The following EPB41L4A variants were observed in gnomAD, a reference collection of about 807,000 sequenced individuals.
The protein encoded by EPB41L4A is band 4.1-like protein 4A.
EPB41L4A carries 100 observed loss-of-function variants against 108.6 expected under a neutral mutation model. The observed-to-expected ratio is 0.92, with a 90% CI of 0.78 to 1.09. EPB41L4A has a LOEUF of 1.09. Among genes scored for constraint, EPB41L4A ranks in the 50% least tolerant of loss-of-function variants. The pLI, the probability that EPB41L4A is intolerant of heterozygous loss-of-function variation, is 0.00. For synonymous variants in EPB41L4A, 319 were observed against 289.0 expected, an observed-to-expected ratio of 1.10 and a Z score of -1.05; for missense variants, 1,030 against 842.7, an observed-to-expected ratio of 1.22 and a Z score of -2.75.
chr5:112,145,107 T>G lies in EPB41L4A; in HGVS notation n.1112+774A>C, dbSNP rs557891191. On this transcript the variant is annotated intron_variant and non_coding_transcript_variant, in intron 13 of 13. Transcript: ENST00000507810. ...GAGTTTGAGACCAGCCTGGCCAACA[T>G]GGCGAAACCCTGTCCCTACTAAAAA... 2.0e-5 allele frequency among the ~76,000 whole-genome samples: 3 copies of G among 152,340 alleles called. No individual in the cohort carries two copies. The South Asian group carries it at 6.2e-4, about 32-fold the overall frequency.
At chr5:112,312,049 C>G (rs991845272) in intron 1 of EPB41L4A, among the ~76,000 whole-genome samples, 1 of 152,170 alleles carries the variant, frequency 6.6e-6, no homozygotes, top group African/African-American at 2.4e-5. Flanking sequence ...TAAATCAAAT[C>G]TGTCTTTATG....
At chr5:112,175,187 G>A (rs967935208) in intron 18 of EPB41L4A, 1 of 152,206 alleles carries the variant, frequency 6.6e-6, no homozygotes, top group African/African-American at 2.4e-5. Context: ...ACCAGAGGGA[G>A]CCCGAACCTT....
At chr5:112,143,910 T>A in intron 13 of EPB41L4A, 1 of 453,434 alleles carries the variant, frequency 2.2e-6, no homozygotes, top group Non-Finnish European at 4.4e-6. Context: ...GGGGGAAATG[T>A]GCTCAGTTGC....
chr5:112,307,345 T>C, intron 2 of EPB41L4A, 41 bp downstream of exon 2: 2 of 1,383,956 alleles, frequency 1.4e-6, no homozygotes, highest in Non-Finnish European at 2.1e-6. Context: ...TAGAGTGAAA[T>C]TTATAACCAG....
At chr5:112,307,234 T>C in intron 2 of EPB41L4A, 152 bp downstream of exon 2, 1 of 578,244 alleles carries the variant, frequency 1.7e-6, no homozygotes, top group Non-Finnish European at 3.0e-6. Context: ...GAGGAAAAAA[T>C]GCAAAGAAAT....
chr5:112,270,335 C>A (rs1561528369), intron 4 of EPB41L4A, among the ~76,000 whole-genome samples: 2 of 152,144 alleles, frequency 1.3e-5, no homozygotes, highest in Non-Finnish European at 2.9e-5. Flanking sequence ...TACCAACCTA[C>A]ACAGAGGTAA....
In EPB41L4A at chr5:112,262,499, C is replaced by T. The variant is rs766314158; in HGVS notation, c.637G>A (p.Val213Ile). The T allele has an allele frequency of 1.8e-5, 29 of 1,612,646 alleles. No individual in the cohort carries two copies. Among genetic ancestry groups the T allele is most frequent in the East Asian group, 2.2e-5 (1 of 44,874 alleles). ...GTTAATTAAATGTTACTCACATAGACGGGATGGAGGTCAACGCCATACATC... is the reference window on the plus strand; with the variant it reads ...GTTAATTAAATGTTACTCACATAGATGGGATGGAGGTCAACGCCATACATC... ...LEMYGVDLHP[V>I]YGENKSEYFL... The change falls in exon 7 of 23, where the codon GTC becomes ATC. Residue 213 changes from valine to isoleucine, a missense_variant. By Grantham distance (29) the Val-to-Ile change is conservative (BLOSUM62 3). Coordinates refer to ENST00000261486, the MANE Select transcript of EPB41L4A (RefSeq NM_022140.5).
At chr5:112,385,804 C>T (rs999562374) in intron 1 of EPB41L4A, among the ~76,000 whole-genome samples, 2 of 152,106 alleles carry the variant, frequency 1.3e-5, no homozygotes, top group Non-Finnish European at 2.9e-5. Flanking sequence ...ATACATAGCA[C>T]TAGAGATAAT....
rs1191828745 is a variant in EPB41L4A at position 112,359,553 on chromosome 5, T to C, written c.100-52063A>G. On this transcript the variant is annotated intron_variant, in intron 1 of 22. Coordinates refer to ENST00000261486, the MANE Select transcript of EPB41L4A (RefSeq NM_022140.5). ...TATCCTTGAAAGTCTTCTTTTTTTT[T>C]TTTTTGAGACGGAGTCTTGCTCTGT... is the stretch of plus-strand genomic sequence containing the variant. Among the ~76,000 whole-genome samples the C allele has an allele frequency of 5.3e-5, 8 of 152,022 alleles. No homozygotes were observed. The East Asian group carries it at 1.2e-3, about 22-fold the overall frequency.
chr5:112,146,136 T>A (rs920360400), intron 12 of EPB41L4A: 1 of 308,854 alleles, frequency 3.2e-6, no homozygotes, highest in Non-Finnish European at 6.4e-6. Flanking sequence ...TTCACTATTG[T>A]AGACCAAAGT....
chr5:112,275,778 T>C (rs1010129103), intron 3 of EPB41L4A, among the ~76,000 whole-genome samples: 1 of 152,192 alleles, frequency 6.6e-6, no homozygotes, highest in South Asian at 2.1e-4. Context: ...AAAAAATAGT[T>C]TTTAAACCTA....
chr5:112,183,473 C>T (rs1761262092), intron 18 of EPB41L4A: 1 of 154,004 alleles, frequency 6.5e-6, no homozygotes, highest in Non-Finnish European at 1.4e-5. Context: ...AGCTCAAAGA[C>T]AATTAATTTG....
chr5:112,345,776 TATATACAC>T (rs772396794), intron 1 of EPB41L4A, among the ~76,000 whole-genome samples: 1,421 of 39,642 alleles, frequency 0.036, 18 homozygotes, highest in South Asian at 0.12. Context: ...TACATATATA[TATATACAC>T]ACACACACAC....
At chr5:112,390,888 T>G (rs1760891049) in intron 1 of EPB41L4A, among the ~76,000 whole-genome samples, 1 of 152,294 alleles carries the variant, frequency 6.6e-6, no homozygotes, top group East Asian at 1.9e-4. Context: ...TTCTGCAATA[T>G]TTGCTGTTCT....
intron 2 of EPB41L4A, among the ~76,000 whole-genome samples, chr5:112,290,632 G>A (rs2150533353): frequency 6.6e-6 from 1 of 152,208 alleles, no homozygotes; most frequent in African/African-American, 2.4e-5. Flanking sequence ...GGATAAGTGA[G>A]GCATCACTGT....
chr5:112,215,718 G>A (rs1396906436), intron 12 of EPB41L4A, among the ~76,000 whole-genome samples: 6 of 139,830 alleles, frequency 4.3e-5, no homozygotes, highest in South Asian at 2.3e-4. Flanking sequence ...AGCAGAGATC[G>A]CGCCACTGCA....
chr5:112,240,422 A>G (rs1297258117), intron 10 of EPB41L4A, among the ~76,000 whole-genome samples: 3 of 152,192 alleles, frequency 2.0e-5, no homozygotes, highest in Non-Finnish European at 4.4e-5. Flanking sequence ...CCAATACTAC[A>G]TAGGTGCTAG....
intron 2 of EPB41L4A, among the ~76,000 whole-genome samples, chr5:112,284,566 T>C (rs1402183316): frequency 6.6e-6 from 1 of 152,186 alleles, no homozygotes; most frequent in Non-Finnish European, 1.5e-5. Flanking sequence ...ATGTATACTA[T>C]GCAGTCTGTA....
chr5:112,268,841 T>TAA (rs1403048125), intron 4 of EPB41L4A, among the ~76,000 whole-genome samples: 1 of 15,022 alleles, frequency 6.7e-5, no homozygotes, highest in African/African-American at 1.8e-4. Flanking sequence ...AGACCTTCTC[T>TAA]CAAAAAAAAA....
Sources: gnomAD v4.1 joint callset for allele counts (sites outside exome capture counted in the v4.1 genomes callset) on GRCh38, gnomAD v4.1.1 for gene constraint, MANE v1.5 for transcripts, NCBI Gene and HGNC (gene_info 2026-07-23, HGNC 2026-07-21) for gene names.